The following PCBP3 variants were observed in gnomAD, a reference collection of about 807,000 sequenced individuals.
The protein encoded by PCBP3 is poly(rC) binding protein 3.
In PCBP3, 25 loss-of-function variants were observed where a neutral mutation model predicts 52.7. The observed-to-expected ratio is 0.47, with a 90% CI of 0.35 to 0.66. The LOEUF (loss-of-function observed/expected upper bound fraction) is 0.66, where lower values mean the gene tolerates loss of function less well. Among genes scored for constraint, PCBP3 ranks in the 30% least tolerant of loss-of-function variants. PCBP3 has a pLI of 0.01. For missense variants in PCBP3, 391 were observed against 490.3 expected, an observed-to-expected ratio of 0.80 and a Z score of 1.91; for synonymous variants, 162 against 183.0, an observed-to-expected ratio of 0.89 and a Z score of 0.93.
chr21:45,912,211 C>G (rs1430697915), intron 11 of PCBP3, among the ~76,000 whole-genome samples: 1 of 152,226 alleles, frequency 6.6e-6, no homozygotes, highest in Non-Finnish European at 1.5e-5. Context: ...ACCACCCTAT[C>G]TCCTTCCTGG....
chr21:45,929,843 C>T, intron 13 of PCBP3, 74 bp from the exon 14 acceptor site: 2 of 1,095,424 alleles, frequency 1.8e-6, no homozygotes, highest in Non-Finnish European at 1.4e-6. Context: ...AGTTCTGTTA[C>T]TGCCGTTTTA....
intron 16 of PCBP3, chr21:45,935,540 G>T (rs2076800724): frequency 1.5e-6 from 1 of 651,246 alleles, no homozygotes. Flanking sequence ...AGGCTAAAGG[G>T]GACTTCAGAT....
intron 2 of PCBP3, among the ~76,000 whole-genome samples, chr21:45,683,129 G>A (rs1233283008): frequency 6.6e-6 from 1 of 152,168 alleles, no homozygotes; most frequent in Non-Finnish European, 1.5e-5. Flanking sequence ...TTTCAAGAAG[G>A]AGGGAACAAT....
chr21:45,717,352 T>TG (rs2084294560), intron 2 of PCBP3, among the ~76,000 whole-genome samples: 1 of 152,178 alleles, frequency 6.6e-6, no homozygotes, highest in African/African-American at 2.4e-5. Flanking sequence ...TTGTCCTGGC[T>TG]AAAACCTCCA....
At chr21:45,898,338 TCC>T (rs1212608029) in intron 6 of PCBP3, among the ~76,000 whole-genome samples, 3 of 43,024 alleles carry the variant, frequency 7.0e-5, no homozygotes, top group African/African-American at 3.5e-4. Context: ...CCTCACAGCC[TCC>T]CTCTGCACAC....
At chr21:45,826,066 A>G (rs751965185) in intron 4 of PCBP3, among the ~76,000 whole-genome samples, 10 of 152,118 alleles carry the variant, frequency 6.6e-5, no homozygotes, top group Non-Finnish European at 1.2e-4. Context: ...TGAGACCAGC[A>G]TGGCCAACAT....
intron 2 of PCBP3, among the ~76,000 whole-genome samples, chr21:45,731,287 A>G (rs2085433323): frequency 6.6e-6 from 1 of 152,232 alleles, no homozygotes; most frequent in Admixed American, 6.5e-5. Context: ...GGAGGACACC[A>G]GGGATAAATC....
At position 45,799,183 on chromosome 21, in the gene PCBP3, C is replaced by T. The variant is rs1036159742; in HGVS notation, c.-126+43731C>T. Among the ~76,000 whole-genome samples the T allele has an allele frequency of 2.2e-4, 33 of 152,240 alleles. No individual in the cohort carries two copies. In the Middle Eastern group the frequency reaches 0.01, roughly 47 times the overall value. On this transcript the variant is annotated intron_variant, in intron 4 of 17. Transcript: ENST00000681687. ...ACGAATTCATGACACACAGATGGGC[C>T]GGAATATAAGTAATTGGATAAATGA...
rs1435695773 is a variant in PCBP3 at position 45,791,718 on chromosome 21, G to A, written c.-126+36266G>A. On this transcript the variant is annotated intron_variant, in intron 4 of 17. Coordinates refer to ENST00000681687, the MANE Select transcript of PCBP3 (RefSeq NM_001384156.1). The surrounding 1 kb of genome is among the most constrained non-coding windows in gnomAD (Gnocchi z 4.2). The stretch of plus-strand genomic sequence containing the variant: ...AACTACCTCTTCAGCTTAGAGAATA[G>A]TACTACTTGGTTTCCCTGGTAACTG... 6.6e-6 allele frequency among the ~76,000 whole-genome samples: 1 copy of A among 152,248 alleles called. No homozygotes were observed. Among genetic ancestry groups the A allele is most frequent in the Non-Finnish European group, 1.5e-5 (1 of 68,042 alleles).
intron 3 of PCBP3, among the ~76,000 whole-genome samples, chr21:45,752,107 T>C (rs2087567733): frequency 6.6e-6 from 1 of 152,178 alleles, no homozygotes; most frequent in Admixed American, 6.5e-5. Flanking sequence ...CATTTTGCTA[T>C]GCCAAAGATT....
At chr21:45,779,359 T>G (rs957444805) in intron 4 of PCBP3, among the ~76,000 whole-genome samples, 1 of 152,196 alleles carries the variant, frequency 6.6e-6, no homozygotes, top group African/African-American at 2.4e-5. Context: ...ACTGGAAGTT[T>G]CTCACTCAGC....
chr21:45,860,666 C>G (rs547328821), intron 5 of PCBP3, among the ~76,000 whole-genome samples: 7 of 152,350 alleles, frequency 4.6e-5, no homozygotes, highest in Admixed American at 6.5e-5. Context: ...CAGCAAAGAT[C>G]GTGCGAGGCT....
chr21:45,770,412 C>T (rs1337757842), intron 4 of PCBP3, among the ~76,000 whole-genome samples: 2 of 152,170 alleles, frequency 1.3e-5, no homozygotes, highest in Non-Finnish European at 2.9e-5. Context: ...CATAGCAGGC[C>T]ATTGACTAAA....
rs959716163 is a variant in PCBP3, at chr21:45,781,096, T to C, written c.-126+25644T>C. 2.0e-5 allele frequency among the ~76,000 whole-genome samples: 3 copies of C among 152,020 alleles called. No homozygotes were observed. The East Asian group carries it at 5.8e-4, about 29-fold the overall frequency. ...ACCACCTTGAGGACCCGGGAGGAGG[T>C]AGAGAACTGGAAAGTTTGTCAAGGA... On this transcript the variant is annotated intron_variant, in intron 4 of 17. Transcript: ENST00000681687.
chr21:45,939,910 T>C, intron 16 of PCBP3, 120 bp from the exon 17 acceptor site: 1 of 871,886 alleles, frequency 1.1e-6, no homozygotes, highest in Non-Finnish European at 1.8e-6. Context: ...TGAGCTCAGG[T>C]CTTGGGGCAG....
chr21:45,676,366 AAT>A (rs1491287900), intron 2 of PCBP3, among the ~76,000 whole-genome samples: 1 of 126,730 alleles, frequency 7.9e-6, no homozygotes, highest in African/African-American at 3.1e-5. Flanking sequence ...CACTTTACAG[AAT>A]TTTTTTTTTT....
intron 5 of PCBP3, among the ~76,000 whole-genome samples, chr21:45,875,162 C>T (rs888627361): frequency 3.3e-5 from 5 of 152,214 alleles, no homozygotes; most frequent in South Asian, 2.1e-4. Context: ...CTCCATGTTG[C>T]GCGCTCCGGC....
At chr21:45,831,361 AT>A (rs1444547544) in intron 4 of PCBP3, 2 of 150,656 alleles carry the variant, frequency 1.3e-5, no homozygotes. Context: ...GTGAGCCAAG[AT>A]CACGCCACTG....
At chr21:45,907,853 G>C (rs970902895) in intron 9 of PCBP3, among the ~76,000 whole-genome samples, 2 of 151,668 alleles carry the variant, frequency 1.3e-5, no homozygotes, top group Admixed American at 1.3e-4. Flanking sequence ...AGGGAAGGAC[G>C]GGGCGGGGGG....
Sources: gnomAD v4.1 joint callset for allele counts (sites outside exome capture counted in the v4.1 genomes callset) on GRCh38, gnomAD v4.1.1 for gene constraint, Gnocchi (gnomAD v3.1) non-coding constraint, MANE v1.5 for transcripts, NCBI Gene and HGNC (gene_info 2026-07-23, HGNC 2026-07-21) for gene names.